Variants in GPBP1 observed in about 807,000 individuals in gnomAD.
The protein encoded by GPBP1 is GC-rich promoter binding protein 1, also known as vasculin.
GPBP1 carries 13 observed loss-of-function variants against 56.5 expected under a neutral mutation model. That is an observed-to-expected ratio of 0.23 (90% confidence interval 0.15 to 0.37). The LOEUF is 0.37. Among genes scored for constraint, GPBP1 ranks in the 10% least tolerant of loss-of-function variants. The pLI, the probability that GPBP1 is intolerant of heterozygous loss-of-function variation, is 1.00. For missense variants in GPBP1, 477 were observed against 572.3 expected, an observed-to-expected ratio of 0.83 and a Z score of 1.70; for synonymous variants, 204 against 188.9, an observed-to-expected ratio of 1.08 and a Z score of -0.66.
chr5:57,224,803 A>G (rs1160186126), intron 3 of GPBP1, among the ~76,000 whole-genome samples: 1 of 152,012 alleles, frequency 6.6e-6, no homozygotes, highest in Non-Finnish European at 1.5e-5. Context: ...AGGCCATACC[A>G]CAGGGTGATA....
At chr5:57,258,915 C>G in intron 10 of GPBP1, among the ~76,000 whole-genome samples, 1 of 152,256 alleles carries the variant, frequency 6.6e-6, no homozygotes, top group South Asian at 2.1e-4. Context: ...TGCTTAGTTA[C>G]GATTCAGTTT....
chr5:57,227,995 G>T (rs1756270652), intron 3 of GPBP1, among the ~76,000 whole-genome samples: 1 of 152,060 alleles, frequency 6.6e-6, no homozygotes, highest in Non-Finnish European at 1.5e-5. Flanking sequence ...ATGAATTAAG[G>T]TTACTAGAAA....
intron 2 of GPBP1, among the ~76,000 whole-genome samples, chr5:57,209,048 TTATTTATTATAGGTATTTTA>T (rs1367104384): frequency 1.3e-5 from 2 of 152,176 alleles, no homozygotes; most frequent in Non-Finnish European, 2.9e-5. Flanking sequence ...TTGGTTATAT[TTATTTATTATAGGTATTTTA>T]TGCTTTTGGA....
At chr5:57,245,027 G>A (rs1018770160) in intron 6 of GPBP1, among the ~76,000 whole-genome samples, 11 of 152,144 alleles carry the variant, frequency 7.2e-5, no homozygotes, top group African/African-American at 2.7e-4. Flanking sequence ...AAGCCATCAC[G>A]CGCAGCCTGT....
chr5:57,249,407 A>C lies in GPBP1; in HGVS notation c.805-2A>C. The C allele has an allele frequency of 1.3e-6, 2 of 1,587,990 alleles. No homozygotes were observed. The highest frequency in any genetic ancestry group is 1.7e-6 in the Non-Finnish European group (2 of 1,170,614). ...TATCAGTATTTCTGAATTTCCTCTTAGTGTAATCGCTCAAATTCCTCTTCT... is the reference window on the plus strand; with the variant it reads ...TATCAGTATTTCTGAATTTCCTCTTCGTGTAATCGCTCAAATTCCTCTTCT... On this transcript the variant is annotated splice_acceptor_variant, in intron 8 of 11. Coordinates refer to ENST00000506184, the MANE Select transcript of GPBP1 (RefSeq NM_022913.4). LOFTEE classifies it high-confidence loss of function.
chr5:57,257,255 C>T (rs1580086912), intron 10 of GPBP1, among the ~76,000 whole-genome samples: 3 of 152,094 alleles, frequency 2.0e-5, no homozygotes, highest in Non-Finnish European at 4.4e-5. Flanking sequence ...AGGCTGGTCT[C>T]GAACTCCTGA....
intron 2 of GPBP1, among the ~76,000 whole-genome samples, chr5:57,204,539 A>G (rs1755150787): frequency 6.6e-6 from 1 of 152,192 alleles, no homozygotes; most frequent in Non-Finnish European, 1.5e-5. Flanking sequence ...GGCATGAGCC[A>G]CTTTGCCTGG....
At chr5:57,185,021 G>C (rs555768455) in intron 2 of GPBP1, among the ~76,000 whole-genome samples, 1 of 152,260 alleles carries the variant, frequency 6.6e-6, no homozygotes, top group South Asian at 2.1e-4. Flanking sequence ...TTGTTTATCA[G>C]TTCTCTCGTT....
At chr5:57,243,998 G>C (rs1375872917) in intron 6 of GPBP1, among the ~76,000 whole-genome samples, 1 of 151,900 alleles carries the variant, frequency 6.6e-6, no homozygotes, top group Non-Finnish European at 1.5e-5. Flanking sequence ...CTACTTCCTG[G>C]ATCTGATACC....
chr5:57,210,282 T>C (rs1370754326), intron 2 of GPBP1, among the ~76,000 whole-genome samples: 1 of 152,216 alleles, frequency 6.6e-6, no homozygotes, highest in Non-Finnish European at 1.5e-5. Context: ...GGGGAAATTT[T>C]TATTCTTCAT....
intron 2 of GPBP1, among the ~76,000 whole-genome samples, chr5:57,190,601 GA>G (rs1169380352): frequency 7.2e-6 from 1 of 138,942 alleles, no homozygotes; most frequent in Admixed American, 7.3e-5. Flanking sequence ...AAAAAAAAAA[GA>G]AAAAAGCTAT....
chr5:57,229,946 CCG>C, intron 3 of GPBP1, among the ~76,000 whole-genome samples: 1 of 138,274 alleles, frequency 7.2e-6, no homozygotes, highest in Non-Finnish European at 1.5e-5. Context: ...GCATCGCGTC[CCG>C]TCCCGTCCCG....
chr5:57,235,458 A>G (rs1329579800), intron 5 of GPBP1, among the ~76,000 whole-genome samples: 1 of 151,818 alleles, frequency 6.6e-6, no homozygotes, highest in Non-Finnish European at 1.5e-5. Flanking sequence ...TTAAGAAAGT[A>G]AAGGAATAAG....
chr5:57,204,008 A>ACT (rs1297580138), intron 2 of GPBP1, among the ~76,000 whole-genome samples: 22 of 152,144 alleles, frequency 1.4e-4, no homozygotes, highest in Non-Finnish European at 2.9e-5. Flanking sequence ...ATGACCCGTA[A>ACT]CTCTTAGTAT....
chr5:57,233,605 TTAC>T (rs780342122), intron 5 of GPBP1, among the ~76,000 whole-genome samples: 10 of 152,212 alleles, frequency 6.6e-5, no homozygotes, highest in Non-Finnish European at 1.3e-4. Context: ...AGAAAAACTG[TTAC>T]TAAAGTCTTA....
At chr5:57,258,725 C>T (rs1741770187) in intron 10 of GPBP1, among the ~76,000 whole-genome samples, 3 of 152,148 alleles carry the variant, frequency 2.0e-5, no homozygotes, top group South Asian at 2.1e-4. Flanking sequence ...AAGTGATCCT[C>T]CCACCTCGGT....
chr5:57,250,835 G>A (rs755783272), intron 9 of GPBP1, 119 bp from the exon 10 acceptor site: 10 of 692,998 alleles, frequency 1.4e-5, no homozygotes, highest in Admixed American at 3.4e-5. Context: ...GTGAGCCACT[G>A]CGCCTGGCCG....
intron 3 of GPBP1, among the ~76,000 whole-genome samples, chr5:57,219,124 C>G (rs1298176369): frequency 6.6e-6 from 1 of 151,662 alleles, no homozygotes; most frequent in African/African-American, 2.4e-5. Context: ...GTCTGTAATC[C>G]CAGCACTTTA....
At chr5:57,214,579 G>C (rs1343224546) in intron 3 of GPBP1, among the ~76,000 whole-genome samples, 1 of 152,070 alleles carries the variant, frequency 6.6e-6, no homozygotes, top group Non-Finnish European at 1.5e-5. Flanking sequence ...GAGCGAAACT[G>C]TCTCAAAACA....
Sources: allele counts gnomAD v4.1 joint callset (sites outside exome capture counted in the v4.1 genomes callset), GRCh38; gene constraint gnomAD v4.1.1; transcripts MANE v1.5; gene names NCBI Gene and HGNC (gene_info 2026-07-23, HGNC 2026-07-21).